COX7C: variants seen among roughly 807,000 people sequenced by gnomAD.
COX7C encodes cytochrome c oxidase subunit 7C, mitochondrial.
In COX7C, 1 loss-of-function variant was observed where a neutral mutation model predicts 6.4. The observed-to-expected ratio is 0.16, with a 90% CI of 0.06 to 0.74. The LOEUF is 0.74. Ranked by LOEUF, COX7C falls within the 30% of genes least tolerant of loss-of-function variation. The pLI is 0.78. For missense variants in COX7C, 54 were observed against 73.7 expected (o/e 0.73, Z 0.98); for synonymous variants, 24 against 28.9 (o/e 0.83, Z 0.54).
In COX7C at chr5:86,620,762, G is replaced by A. The variant is rs527535382; in HGVS notation, c.*122G>A. ...ATATGTTTGTCAATAAACTTATGAC[G>A]TGAATGCTTAATGCCTCTTTTTTGA... On this transcript the variant is annotated 3_prime_UTR_variant, in exon 3 of 3. Transcript: ENST00000247655. 1.4e-5 allele frequency: 4 copies of A among 293,046 alleles called. No homozygotes were observed. The highest frequency in any genetic ancestry group is 4.4e-5 in the African/African-American group (2 of 45,490). 18.2% of individuals were successfully genotyped at this position (293,046 alleles called of 1,614,324 possible). A position where few individuals can be genotyped will look rare whatever the true frequency, so the allele number is the denominator to read the frequency against.
intron 2 of COX7C, 137 bp downstream of exon 2, chr5:86,619,633 G>A: frequency 1.7e-6 from 1 of 604,780 alleles, no homozygotes; most frequent in Admixed American, 2.7e-5. Context: ...TGGCATTGGT[G>A]GAGACTAGTT....
At chr5:86,618,272 C>G (rs1750039724) in intron 1 of COX7C, 142 bp downstream of exon 1, 1 of 744,958 alleles carries the variant, frequency 1.3e-6, no homozygotes, top group Non-Finnish European at 2.3e-6. Flanking sequence ...TTCCACTTAG[C>G]CCAAGGACCA....
At position 86,619,430 on chromosome 5, in the gene COX7C, A is replaced by T; in HGVS notation, c.153A>T (p.Thr51=). 6.2e-7 allele frequency: 1 copy of T among 1,613,662 alleles called. No individual in the cohort carries two copies. The highest frequency in any genetic ancestry group is 8.5e-7 in the Non-Finnish European group (1 of 1,179,656). Residue 51 remains threonine (T), a synonymous_variant, in exon 2 of 3, where the codon ACA becomes ACT. Transcript: ENST00000247655. ...MCLYFGSAFA[T]PFLVVRHQLL... Reference sequence around the variant, plus strand: ...TGTACTTTGGATCTGCATTTGCTACACCCTTCCTTGTAGTAAGACACCAAC... The same window carrying T: ...TGTACTTTGGATCTGCATTTGCTACTCCCTTCCTTGTAGTAAGACACCAAC...
intron 1 of COX7C, among the ~76,000 whole-genome samples, chr5:86,618,978 CAAAA>C (rs368187717): frequency 1.6e-5 from 1 of 62,436 alleles, no homozygotes; most frequent in African/African-American, 5.5e-5. Flanking sequence ...GACTCCGTCT[CAAAA>C]AAAAAAAAAA....
Position 86,620,754 on chromosome 5 carries a change from C to G in COX7C, c.*114C>G, listed in dbSNP as rs188162668. On this transcript the variant is annotated 3_prime_UTR_variant, in exon 3 of 3. Transcript: ENST00000247655. ...CATACTAGATATGTTTGTCAATAAA[C>G]TTATGACGTGAATGCTTAATGCCTC... 1.8e-4 allele frequency: 56 copies of G among 306,116 alleles called. No homozygotes were observed. The East Asian group carries it at 4.3e-3, about 23-fold the overall frequency. 19.0% of individuals were successfully genotyped at this position (306,116 alleles called of 1,614,324 possible).
intron 2 of COX7C, 50 bp downstream of exon 2, chr5:86,619,546 G>A: frequency 1.1e-6 from 1 of 912,182 alleles, no homozygotes; most frequent in Non-Finnish European, 1.8e-6. Flanking sequence ...TTATTAAGTA[G>A]CCTCTTCCCC....
chr5:86,619,654 A>G (rs1750079013), intron 2 of COX7C, 158 bp downstream of exon 2: 1 of 534,240 alleles, frequency 1.9e-6, no homozygotes, highest in Admixed American at 3.2e-5. Flanking sequence ...GTAAACCTAT[A>G]TAAAAATATT....
intron 1 of COX7C, 80 bp downstream of exon 1, chr5:86,618,210 G>C: frequency 1.5e-6 from 2 of 1,332,114 alleles, no homozygotes; most frequent in African/African-American, 1.4e-5. Flanking sequence ...CCGCCTCCGG[G>C]CTGTGGCGTG....
Position 86,617,958 on chromosome 5 carries a change from A to G in COX7C, c.-98A>G, listed in dbSNP as rs1750031059. ...CCATCTTTCTTTTCAGTCCTTGCGC[A>G]CCGGGGAACAAGGTCGTGAAAAAAA... is the stretch of plus-strand genomic sequence containing the variant. On this transcript the variant is annotated 5_prime_UTR_variant, in exon 1 of 3. Coordinates refer to ENST00000247655, the MANE Select transcript of COX7C (RefSeq NM_001867.3). The G allele has an allele frequency of 1.8e-6, 2 of 1,105,038 alleles. No homozygotes were observed. The highest frequency in any genetic ancestry group is 1.4e-6 in the Non-Finnish European group (1 of 737,746). The allele number at this position is 1,105,038 out of a possible 1,614,324, so 68.5% of individuals were successfully genotyped here.
In COX7C at chr5:86,618,147, C is replaced by T. The variant is rs368527582; in HGVS notation, c.75+17C>T. On this transcript the variant is annotated intron_variant, in intron 1 of 2. Coordinates refer to ENST00000247655, the MANE Select transcript of COX7C (RefSeq NM_001867.3). Reference sequence around the variant, plus strand: ...CCTGGGAAGGTTAGTGTGTAAGGGGCACGGCTTCGTTGGGGGAGGGGGCGC... The same window carrying T: ...CCTGGGAAGGTTAGTGTGTAAGGGGTACGGCTTCGTTGGGGGAGGGGGCGC... 9 of 1,613,238 alleles carry T rather than the reference C, an allele frequency of 5.6e-6. No homozygotes were observed. The highest frequency in any genetic ancestry group is 1.6e-4 in the Middle Eastern group (1 of 6,080).
rs758195245 is a variant in COX7C, at chr5:86,618,138, T to C, written c.75+8T>C. ...GAGGAGGGCCCTGGGAAGGTTAGTG[T>C]GTAAGGGGCACGGCTTCGTTGGGGG... On this transcript the variant is annotated splice_region_variant and intron_variant, in intron 1 of 2. Transcript: ENST00000247655. 1 of 1,613,778 alleles carries C rather than the reference T, an allele frequency of 6.2e-7. No individual in the cohort carries two copies. The highest frequency in any genetic ancestry group is 1.7e-4 in the Middle Eastern group (1 of 6,058).
At chr5:86,618,292 C>A in intron 1 of COX7C, 162 bp downstream of exon 1, 1 of 657,042 alleles carries the variant, frequency 1.5e-6, no homozygotes, top group South Asian at 1.9e-5. Flanking sequence ...AGTGAGGAAG[C>A]TGGGCATCCT....
Position 86,620,777 on chromosome 5 carries a change from C to A in COX7C, c.*137C>A. ...AACTTATGACGTGAATGCTTAATGC[C>A]TCTTTTTTGAAATAGGGAATGTAAT... On this transcript the variant is annotated 3_prime_UTR_variant, in exon 3 of 3. Transcript: ENST00000247655. 3.7e-6 allele frequency: 1 copy of A among 268,054 alleles called. No homozygotes were observed. 16.6% of individuals were successfully genotyped at this position (268,054 alleles called of 1,614,324 possible).
chr5:86,620,809 C>T lies in COX7C; in HGVS notation c.*169C>T. 1 of 240,362 alleles carries T rather than the reference C, an allele frequency of 4.2e-6. No homozygotes were observed. The highest frequency in any genetic ancestry group is 2.2e-5 in the African/African-American group (1 of 44,542). The allele number at this position is 240,362 out of a possible 1,614,324, so 14.9% of individuals were successfully genotyped here. A position where few individuals can be genotyped will look rare whatever the true frequency, so the allele number is the denominator to read the frequency against. On this transcript the variant is annotated 3_prime_UTR_variant, in exon 3 of 3. Transcript: ENST00000247655. ...TTGAAATAGGGAATGTAATAATTGG[C>T]CATTTGCCTACTTTATTATTTGGGT...
At chr5:86,619,676 C>T in intron 2 of COX7C, 180 bp downstream of exon 2, 1 of 501,086 alleles carries the variant, frequency 2.0e-6, no homozygotes, top group South Asian at 2.7e-5. Flanking sequence ...CAATAATGGC[C>T]AGTGTTTATT....
rs144353141 is a variant in COX7C, at chr5:86,619,338, CTT to C, written c.76-9_76-8del. ...AGATTCAATTTCGATTACTTTTTCTCTTTTTTTCCAACAGAATTTGCCATTTT... is the reference window on the plus strand; with the variant it reads ...AGATTCAATTTCGATTACTTTTTCTCTTTTTCCAACAGAATTTGCCATTTT... On this transcript the variant is annotated splice_polypyrimidine_tract_variant and intron_variant, in intron 1 of 2. Coordinates refer to ENST00000247655, the MANE Select transcript of COX7C (RefSeq NM_001867.3). 4,418 of 1,526,558 alleles carry C rather than the reference CTT, an allele frequency of 2.9e-3. 94 individuals carry two copies. The African/African-American group carries it at 0.054, about 19-fold the overall frequency. The allele number at this position is 1,526,558 out of a possible 1,614,324, so 94.6% of individuals were successfully genotyped here. A position where few individuals can be genotyped will look rare whatever the true frequency, so the allele number is the denominator to read the frequency against.
intron 1 of COX7C, chr5:86,618,356 C>T: frequency 1.9e-6 from 1 of 515,012 alleles, no homozygotes; most frequent in Non-Finnish European, 3.5e-6. Context: ...CTGCCTCCAT[C>T]AGCCACCTGA....
chr5:86,620,761 C>T lies in COX7C; in HGVS notation c.*121C>T, dbSNP rs1750104415. ...GATATGTTTGTCAATAAACTTATGA[C>T]GTGAATGCTTAATGCCTCTTTTTTG... On this transcript the variant is annotated 3_prime_UTR_variant, in exon 3 of 3. Coordinates refer to ENST00000247655, the MANE Select transcript of COX7C (RefSeq NM_001867.3). The T allele has an allele frequency of 1.0e-5, 3 of 292,142 alleles. No individual in the cohort carries two copies. The highest frequency in any genetic ancestry group is 2.7e-5 in the South Asian group (1 of 36,400). The allele number at this position is 292,142 out of a possible 1,614,324, so 18.1% of individuals were successfully genotyped here.
At chr5:86,619,619 G>A in intron 2 of COX7C, 123 bp downstream of exon 2, 1 of 640,350 alleles carries the variant, frequency 1.6e-6, no homozygotes, top group East Asian at 2.6e-5. Flanking sequence ...GTTATGTGTA[G>A]ATGTGGCATT....
Sources: allele counts gnomAD v4.1 joint callset (sites outside exome capture counted in the v4.1 genomes callset), GRCh38; gene constraint gnomAD v4.1.1; transcripts MANE v1.5; gene names NCBI Gene and HGNC (gene_info 2026-07-23, HGNC 2026-07-21).